Variants in SOX13 observed in about 807,000 individuals in gnomAD.
The protein encoded by SOX13 is transcription factor SOX-13.
SOX13 carries 28 observed loss-of-function variants against 71.8 expected under a neutral mutation model. The ratio of observed to expected loss-of-function variants is 0.39; its 90% confidence interval spans 0.29 to 0.53. The LOEUF (loss-of-function observed/expected upper bound fraction) is 0.53, where lower values mean the gene tolerates loss of function less well. SOX13 is among the 20% of genes least tolerant of loss of function. SOX13 has a pLI of 0.70. For missense variants in SOX13, 627 were observed against 810.3 expected, an observed-to-expected ratio of 0.77 and a Z score of 2.75; for synonymous variants, 309 against 317.8, an observed-to-expected ratio of 0.97 and a Z score of 0.29.
At position 204,113,197 on chromosome 1, in the gene SOX13, G is replaced by T. The variant is rs1293568961; in HGVS notation, c.219+63G>T. ...GCGCTGTACCTGGGCTCTCTGCTCG[G>T]CTGGGCAGGCCCACTCCCCTAGATG... is the stretch of plus-strand genomic sequence containing the variant. On this transcript the variant is annotated intron_variant, in intron 2 of 13. Transcript: ENST00000367204. The T allele has an allele frequency of 5.3e-6, 7 of 1,332,214 alleles. No individual in the cohort carries two copies. The East Asian group carries it at 1.5e-4, about 29-fold the overall frequency. The allele number at this position is 1,332,214 out of a possible 1,614,324, so 82.5% of individuals were successfully genotyped here.
In SOX13 at chr1:204,126,435, A is replaced by C; in HGVS notation, c.*301A>C. The C allele has an allele frequency of 2.4e-6, 1 of 415,942 alleles. No homozygotes were observed. The highest frequency in any genetic ancestry group is 6.6e-4 in the Middle Eastern group (1 of 1,512). The allele number at this position is 415,942 out of a possible 1,614,324, so 25.8% of individuals were successfully genotyped here. On this transcript the variant is annotated 3_prime_UTR_variant, in exon 14 of 14. Coordinates refer to ENST00000367204, the MANE Select transcript of SOX13 (RefSeq NM_005686.3). ...TGACTCTCCTCTCCTGCAGGTGTCT[A>C]TCCACCTGGGGTATGGCATCTACCG...
intron 1 of SOX13, among the ~76,000 whole-genome samples, chr1:204,087,124 G>A (rs1375639187): frequency 4.6e-5 from 7 of 151,854 alleles, no homozygotes; most frequent in Admixed American, 1.3e-4. Context: ...GGGTTTCACC[G>A]TGTTAGCCAG....
chr1:204,117,937 A>G (rs1656727671), intron 7 of SOX13: 1 of 553,904 alleles, frequency 1.8e-6, no homozygotes, highest in African/African-American at 1.9e-5. Flanking sequence ...AAAATGATGT[A>G]GCAATCCAGG....
At chr1:204,089,754 C>G (rs1376228531) in intron 1 of SOX13, among the ~76,000 whole-genome samples, 1 of 152,214 alleles carries the variant, frequency 6.6e-6, no homozygotes, top group Non-Finnish European at 1.5e-5. Flanking sequence ...GGCACCCTCT[C>G]CCCTGAGCTG....
At chr1:204,086,486 T>C (rs762110191) in intron 1 of SOX13, among the ~76,000 whole-genome samples, 1 of 109,158 alleles carries the variant, frequency 9.2e-6, no homozygotes, top group Admixed American at 9.2e-5. Flanking sequence ...CTATTTTTCA[T>C]AGAGAAGGAG....
At chr1:204,107,836 C>T (rs966354150) in intron 1 of SOX13, among the ~76,000 whole-genome samples, 8 of 152,198 alleles carry the variant, frequency 5.3e-5, no homozygotes, top group African/African-American at 1.7e-4. Context: ...GAGCCAGACA[C>T]CTGTGAGGAT....
In SOX13 at chr1:204,122,397, T is replaced by C; in HGVS notation, c.1022T>C (p.Leu341Pro). 1.2e-5 allele frequency: 19 copies of C among 1,566,072 alleles called. No homozygotes were observed. The highest frequency in any genetic ancestry group is 1.6e-5 in the Non-Finnish European group (19 of 1,155,578). ...DLQSSPPSLP[L>P]GFLGEGDAVT... ...CAGTCCAGCCCCCCGAGCCTGCCTCTGGGTAAGCCTCCTGCTGCCTGCACT... is the reference window on the plus strand; with the variant it reads ...CAGTCCAGCCCCCCGAGCCTGCCTCCGGGTAAGCCTCCTGCTGCCTGCACT... The change falls in exon 9 of 14, where the codon CTG (leucine) becomes CCG (proline). Residue 341 changes from leucine (L) to proline (P), a missense_variant and splice_region_variant. Leu to Pro is a moderately conservative substitution (Grantham distance 98, BLOSUM62 -3). Around this residue, in one of 3 missense-constraint regions of SOX13, gnomAD observed 447 missense variants for 532.2 expected, o/e 0.84. Coordinates refer to ENST00000367204, the MANE Select transcript of SOX13 (RefSeq NM_005686.3).
Position 204,122,337 on chromosome 1 carries a change from GCCCC to G in SOX13, c.966_969del (p.Pro323AlafsTer82). 6.4e-7 allele frequency: 1 copy of G among 1,561,202 alleles called. No individual in the cohort carries two copies. The highest frequency in any genetic ancestry group is 8.7e-7 in the Non-Finnish European group (1 of 1,150,986). On this transcript the variant is annotated frameshift_variant, in exon 9 of 14. Coordinates refer to ENST00000367204, the MANE Select transcript of SOX13 (RefSeq NM_005686.3). LOFTEE classifies it high-confidence loss of function. ...CTGAAGATGAGCAGCTGTGTGCCCC[GCCCC>G]CCCAGCCATGGAGGCCCCACGCGGG... is the stretch of plus-strand genomic sequence containing the variant.
Position 204,073,632 on chromosome 1 carries a change from A to T in SOX13, c.-81A>T, listed in dbSNP as rs895353986. 5.3e-5 allele frequency: 8 copies of T among 151,620 alleles called. No homozygotes were observed. The East Asian group carries it at 1.6e-3, about 30-fold the overall frequency. The allele number at this position is 151,620 out of a possible 1,614,324, so 9.4% of individuals were successfully genotyped here. On this transcript the variant is annotated 5_prime_UTR_variant, in exon 1 of 14. Transcript: ENST00000367204. This position sits in a 1 kb window ranked among gnomAD's most constrained non-coding sequence, Gnocchi z 6.8. ...ATGTGAGCGGGAAGCCTAGGCTGCC[A>T]GCCGCGAGGACCGCACGGAGGAGGA...
chr1:204,082,618 C>T (rs1162805406), intron 1 of SOX13, among the ~76,000 whole-genome samples: 1 of 152,102 alleles, frequency 6.6e-6, no homozygotes, highest in Admixed American at 6.5e-5. Flanking sequence ...GGGCAAGGGG[C>T]TGAGGAAGAG....
chr1:204,116,464 A>G (rs766408735), intron 4 of SOX13, 43 bp from the exon 5 acceptor site: 1 of 1,613,098 alleles, frequency 6.2e-7, no homozygotes, highest in South Asian at 1.1e-5. Context: ...GTATAGATGA[A>G]CAAGTAAAAA....
intron 1 of SOX13, among the ~76,000 whole-genome samples, chr1:204,092,111 G>A (rs1214824259): frequency 2.0e-5 from 3 of 151,438 alleles, no homozygotes; most frequent in Non-Finnish European, 4.4e-5. Context: ...GCAGTGGCAC[G>A]ACCCTAGCTC....
At chr1:204,103,042 G>T (rs1434852104) in intron 1 of SOX13, among the ~76,000 whole-genome samples, 1 of 152,196 alleles carries the variant, frequency 6.6e-6, no homozygotes, top group Non-Finnish European at 1.5e-5. Flanking sequence ...GAGGGAGAGG[G>T]ACTCCTTCCT....
intron 1 of SOX13, chr1:204,074,186 G>T (rs1211771501): frequency 6.6e-6 from 1 of 152,216 alleles, no homozygotes; most frequent in Non-Finnish European, 1.5e-5. Context: ...TGCCTGCGAC[G>T]AGGCGCAGAG....
chr1:204,122,838 C>CT lies in SOX13; in HGVS notation c.1025-15dup, dbSNP rs1246951778. ...TTCTCTCGCTTCTCTTCCCTCTCTT[C>CT]TGCCCTCTCCCACAGGCTTCCTTGG... On this transcript the variant is annotated splice_polypyrimidine_tract_variant and intron_variant, in intron 9 of 13. Coordinates refer to ENST00000367204, the MANE Select transcript of SOX13 (RefSeq NM_005686.3). 46 of 1,498,086 alleles carry CT rather than the reference C, an allele frequency of 3.1e-5. No homozygotes were observed. Among genetic ancestry groups the CT allele is most frequent in the Non-Finnish European group, 4.1e-5 (45 of 1,101,260 alleles). The allele number at this position is 1,498,086 out of a possible 1,614,324, so 92.8% of individuals were successfully genotyped here. A position where few individuals can be genotyped will look rare whatever the true frequency, so the allele number is the denominator to read the frequency against.
chr1:204,111,679 A>G (rs750211465), intron 1 of SOX13, among the ~76,000 whole-genome samples: 1 of 152,046 alleles, frequency 6.6e-6, no homozygotes, highest in Non-Finnish European at 1.5e-5. Flanking sequence ...CGTAAAGCCA[A>G]TCATCTCAGT....
intron 7 of SOX13, among the ~76,000 whole-genome samples, chr1:204,121,456 A>G (rs1330011592): frequency 6.6e-6 from 1 of 152,108 alleles, no homozygotes; most frequent in Non-Finnish European, 1.5e-5. Flanking sequence ...GTAAAATGGG[A>G]TGATGATGTA....
chr1:204,106,517 A>AT (rs34769472), intron 1 of SOX13, among the ~76,000 whole-genome samples: 29,234 of 139,954 alleles, frequency 0.21, 4,039 homozygotes, highest in African/African-American at 0.4. Flanking sequence ...TCCAAAATAA[A>AT]TTTTTTTTTT....
At chr1:204,116,877 G>A (rs184448272) in intron 5 of SOX13, among the ~76,000 whole-genome samples, 198 bp downstream of exon 5, 50 of 152,230 alleles carry the variant, frequency 3.3e-4, no homozygotes, top group South Asian at 1.4e-3. Context: ...GGGGTGGGAG[G>A]GTATGAAAGG....
Sources: gnomAD v4.1 joint callset for allele counts (sites outside exome capture counted in the v4.1 genomes callset) on GRCh38, gnomAD v4.1.1 for gene constraint, gnomAD v4.1.1 regional missense constraint, Gnocchi (gnomAD v3.1) non-coding constraint, MANE v1.5 for transcripts, NCBI Gene and HGNC (gene_info 2026-07-23, HGNC 2026-07-21) for gene names.